Variants in RPS6KA5 observed in about 807,000 individuals in gnomAD.
RPS6KA5 encodes ribosomal protein S6 kinase A5.
In RPS6KA5, 27 loss-of-function variants were observed where a neutral mutation model predicts 85.5. That is an observed-to-expected ratio of 0.32 (90% CI 0.23 to 0.44). The LOEUF (loss-of-function observed/expected upper bound fraction) is 0.44, where lower values mean the gene tolerates loss of function less well. Among genes scored for constraint, RPS6KA5 ranks in the 20% least tolerant of loss-of-function variants. RPS6KA5 has a pLI of 1.00. For synonymous variants in RPS6KA5, 334 were observed against 348.2 expected, an observed-to-expected ratio of 0.96 and a Z score of 0.46; for missense variants, 811 against 980.9, an observed-to-expected ratio of 0.83 and a Z score of 2.31.
At chr14:91,051,243 AAAATAAATAAAT>A (rs59888963) in intron 1 of RPS6KA5, among the ~76,000 whole-genome samples, 91,391 of 144,172 alleles carry the variant, frequency 0.63, 29,596 homozygotes, top group East Asian at 0.86. Context: ...TGTCTAAATA[AAAATAAATAAAT>A]AAATAAATAA....
chr14:90,970,175 T>C (rs780366709), intron 3 of RPS6KA5, among the ~76,000 whole-genome samples: 3 of 152,264 alleles, frequency 2.0e-5, no homozygotes, highest in Non-Finnish European at 4.4e-5. Flanking sequence ...TATAAATGCA[T>C]TTCAGCTTAT....
At chr14:91,046,882 A>C (rs1249435074) in intron 1 of RPS6KA5, among the ~76,000 whole-genome samples, 1 of 152,160 alleles carries the variant, frequency 6.6e-6, no homozygotes, top group Non-Finnish European at 1.5e-5. Flanking sequence ...ATTTTATTTA[A>C]GAAGCAAAAC....
Position 90,862,991 on chromosome 14 carries a change from T to G in RPS6KA5, c.*9083A>C, listed in dbSNP as rs1474037980. 2.0e-5 allele frequency: 3 copies of G among 151,936 alleles called. No homozygotes were observed. The East Asian group carries it at 5.8e-4, about 29-fold the overall frequency. 9.4% of individuals were successfully genotyped at this position (151,936 alleles called of 1,614,324 possible). On this transcript the variant is annotated 3_prime_UTR_variant, in exon 17 of 17. Coordinates refer to ENST00000614987, the MANE Select transcript of RPS6KA5 (RefSeq NM_004755.4). ...AAATAAAACAATCTGCTATATGATATCTATAAAAAAATTAAATAAAACATA... is the reference window on the plus strand; with the variant it reads ...AAATAAAACAATCTGCTATATGATAGCTATAAAAAAATTAAATAAAACATA...
intron 5 of RPS6KA5, among the ~76,000 whole-genome samples, chr14:90,931,385 G>A (rs570675204): frequency 4.4e-4 from 65 of 149,042 alleles, no homozygotes; most frequent in African/African-American, 1.5e-3. Context: ...GTTAGGGGAC[G>A]GGGGAAAAGG....
chr14:90,872,586 T>C (rs954681341), intron 16 of RPS6KA5, among the ~76,000 whole-genome samples: 1 of 152,188 alleles, frequency 6.6e-6, no homozygotes, highest in African/African-American at 2.4e-5. Context: ...TTGAAGAAGT[T>C]AGTACTACAT....
At chr14:91,010,266 CCATGA>C (rs1381144377) in intron 1 of RPS6KA5, among the ~76,000 whole-genome samples, 1 of 152,068 alleles carries the variant, frequency 6.6e-6, no homozygotes, top group Non-Finnish European at 1.5e-5. Flanking sequence ...CCTTGACATA[CCATGA>C]CATGACTGTT....
In RPS6KA5 at chr14:90,920,085, C is replaced by CGTT. The variant is rs1309379685; in HGVS notation, c.806+120_806+121insAAC. ...ATATGATAGAAATGAAAATTTACCA[C>CGTT]ATAAACATCACTTTGTCTATCCTCA... is the stretch of plus-strand genomic sequence containing the variant. On this transcript the variant is annotated intron_variant, in intron 7 of 16. Coordinates refer to ENST00000614987, the MANE Select transcript of RPS6KA5 (RefSeq NM_004755.4). 3 of 735,250 alleles carry CGTT rather than the reference C, an allele frequency of 4.1e-6. No individual in the cohort carries two copies. In the East Asian group the frequency reaches 7.7e-5, roughly 19 times the overall value. 45.5% of individuals were successfully genotyped at this position (735,250 alleles called of 1,614,324 possible).
intron 4 of RPS6KA5, among the ~76,000 whole-genome samples, chr14:90,946,126 T>C (rs1246390034): frequency 6.6e-6 from 1 of 152,234 alleles, no homozygotes; most frequent in East Asian, 1.9e-4. Flanking sequence ...CAATAGTTTC[T>C]TGTATGAAAA....
chr14:90,872,309 T>C lies in RPS6KA5; in HGVS notation c.2174A>G (p.Tyr725Cys). ...VKATFHAFNK[Y>C]KREGFCLQNV... ...CTGAAGGCAAAACCCCTCTCTCTTGTATTTGTTAAAGGCCTGGCGGGGGAA... is the reference window on the plus strand; with the variant it reads ...CTGAAGGCAAAACCCCTCTCTCTTGCATTTGTTAAAGGCCTGGCGGGGGAA... Residue 725 changes from tyrosine (Y) to cysteine (C), a missense_variant, in exon 17 of 17, where the codon TAC becomes TGC. By Grantham distance (194) the Tyr-to-Cys change is radical (BLOSUM62 -2). Coordinates refer to ENST00000614987, the MANE Select transcript of RPS6KA5 (RefSeq NM_004755.4). The C allele has an allele frequency of 1.2e-6, 2 of 1,611,658 alleles. No individual in the cohort carries two copies. Among genetic ancestry groups the C allele is most frequent in the South Asian group, 1.1e-5 (1 of 90,818 alleles).
chr14:91,003,626 G>A (rs2040876950), intron 1 of RPS6KA5, among the ~76,000 whole-genome samples: 1 of 152,290 alleles, frequency 6.6e-6, no homozygotes, highest in Middle Eastern at 3.4e-3. Context: ...GCAGCTCAAG[G>A]TATGTTCTCT....
chr14:91,056,452 C>A (rs2043320540), intron 1 of RPS6KA5, among the ~76,000 whole-genome samples: 1 of 152,150 alleles, frequency 6.6e-6, no homozygotes, highest in African/African-American at 2.4e-5. Context: ...GTAGTGGAAG[C>A]TGTAGGATGT....
chr14:91,014,893 T>C (rs1429679079), intron 1 of RPS6KA5, among the ~76,000 whole-genome samples: 1 of 152,240 alleles, frequency 6.6e-6, no homozygotes, highest in Non-Finnish European at 1.5e-5. Flanking sequence ...CTTTATAAAA[T>C]GTTTTAAAAG....
Position 90,858,194 on chromosome 14 carries a change from TG to T in RPS6KA5, c.*13879del, listed in dbSNP as rs1234392500. On this transcript the variant is annotated 3_prime_UTR_variant, in exon 17 of 17. Coordinates refer to ENST00000614987, the MANE Select transcript of RPS6KA5 (RefSeq NM_004755.4). The stretch of plus-strand genomic sequence containing the variant: ...TTTAATTTTACGTAAACACATTCTT[TG>T]AGGCTAAAGCAAATCTGACTGATTT... 6.6e-6 allele frequency: 1 copy of T among 152,040 alleles called. No individual in the cohort carries two copies. Among genetic ancestry groups the T allele is most frequent in the Non-Finnish European group, 1.5e-5 (1 of 68,006 alleles). 9.4% of individuals were successfully genotyped at this position (152,040 alleles called of 1,614,324 possible). A position where few individuals can be genotyped will look rare whatever the true frequency, so the allele number is the denominator to read the frequency against.
chr14:90,949,036 G>A (rs1052288828), intron 3 of RPS6KA5, among the ~76,000 whole-genome samples: 2 of 152,152 alleles, frequency 1.3e-5, no homozygotes, highest in African/African-American at 4.8e-5. Context: ...ACAGCAAAAA[G>A]CATTTCCCTT....
intron 12 of RPS6KA5, among the ~76,000 whole-genome samples, 164 bp from the exon 13 acceptor site, chr14:90,894,747 G>A (rs1322437933): frequency 6.6e-6 from 1 of 152,198 alleles, no homozygotes; most frequent in African/African-American, 2.4e-5. Flanking sequence ...GAAAGATAAT[G>A]TAGCTGTTTT....
intron 5 of RPS6KA5, among the ~76,000 whole-genome samples, chr14:90,931,655 G>C (rs1022825343): frequency 6.6e-6 from 1 of 151,990 alleles, no homozygotes; most frequent in Non-Finnish European, 1.5e-5. Flanking sequence ...TAAAATTTTA[G>C]AAAAGAAATT....
chr14:90,916,584 C>G (rs2036128097), intron 7 of RPS6KA5, among the ~76,000 whole-genome samples: 2 of 151,862 alleles, frequency 1.3e-5, no homozygotes, highest in African/African-American at 4.8e-5. Flanking sequence ...ATGATACATA[C>G]AAGATTTATG....
At chr14:91,050,968 C>T (rs1433061041) in intron 1 of RPS6KA5, among the ~76,000 whole-genome samples, 2 of 152,088 alleles carry the variant, frequency 1.3e-5, no homozygotes, top group Non-Finnish European at 2.9e-5. Context: ...TGGCTCATGT[C>T]TGTAATTCCA....
At chr14:90,951,867 G>C (rs904369713) in intron 3 of RPS6KA5, among the ~76,000 whole-genome samples, 1 of 152,088 alleles carries the variant, frequency 6.6e-6, no homozygotes, top group Non-Finnish European at 1.5e-5. Flanking sequence ...TGTCCGGACT[G>C]CGAGTATGGG....
Sources: allele counts gnomAD v4.1 joint callset (sites outside exome capture counted in the v4.1 genomes callset), GRCh38; gene constraint gnomAD v4.1.1; transcripts MANE v1.5; gene names NCBI Gene and HGNC (gene_info 2026-07-23, HGNC 2026-07-21).